Variants in PKD1L3 observed in about 807,000 individuals in gnomAD.
PKD1L3 encodes the protein polycystin-1-like protein 3.
A neutral mutation model predicts 184.1 loss-of-function variants in PKD1L3; 239 were observed. The observed-to-expected ratio is 1.30, with a 90% CI of 1.17 to 1.45. The LOEUF (loss-of-function observed/expected upper bound fraction) is 1.45, where lower values mean the gene tolerates loss of function less well. PKD1L3 is among the 40% of genes most tolerant of loss of function. PKD1L3 has a pLI of 0.00. For synonymous variants in PKD1L3, 996 were observed against 778.8 expected (o/e 1.28, Z -4.64); for missense variants, 2,660 against 2,067.2 (o/e 1.29, Z -5.56).
At position 71,973,401 on chromosome 16, in the gene PKD1L3, C is replaced by T. The variant is rs1345475597; in HGVS notation, c.1876G>A (p.Val626Ile). Residue 626 changes from valine to isoleucine, a missense_variant, in exon 12 of 30, where the codon GTC becomes ATC. Physicochemically the swap from Val to Ile is conservative, Grantham distance 29 (BLOSUM62 3). Coordinates refer to ENST00000620267, the MANE Select transcript of PKD1L3 (RefSeq NM_181536.2). ...TGAGTGACGGCGGTGATGACCGAGACCAAGCTGGGTGTCTGCTGAGCACCC... is the reference window on the plus strand; with the variant it reads ...TGAGTGACGGCGGTGATGACCGAGATCAAGCTGGGTGTCTGCTGAGCACCC... Reference protein sequence around the residue: ...QEGAQQTPSLVSVITAVTQCY... With the variant: ...QEGAQQTPSLISVITAVTQCY... The T allele has an allele frequency of 8.4e-6, 13 of 1,551,556 alleles. No homozygotes were observed. Among genetic ancestry groups the T allele is most frequent in the South Asian group, 1.2e-5 (1 of 84,060 alleles).
chr16:71,998,150 C>A, intron 2 of PKD1L3, 122 bp downstream of exon 2: 1 of 1,320,252 alleles, frequency 7.6e-7, no homozygotes, highest in Non-Finnish European at 1.0e-6. Flanking sequence ...AAATCAAAAG[C>A]CCTGTATCAT....
chr16:71,938,890 C>T (rs1156452785), intron 24 of PKD1L3, among the ~76,000 whole-genome samples: 6 of 152,182 alleles, frequency 3.9e-5, no homozygotes, highest in Non-Finnish European at 5.9e-5. Context: ...GACAAGAACT[C>T]GGGACCCGCT....
chr16:71,998,492 C>A (rs2040866440), intron 1 of PKD1L3, 98 bp from the exon 2 acceptor site: 1 of 1,440,122 alleles, frequency 6.9e-7, no homozygotes, highest in Non-Finnish European at 9.1e-7. Context: ...ACTCAGTCAC[C>A]CAAGCTGGAG....
At chr16:71,986,100 T>C (rs1331424049) in intron 5 of PKD1L3, 121 bp downstream of exon 5, 1 of 1,294,500 alleles carries the variant, frequency 7.7e-7, no homozygotes, top group Non-Finnish European at 1.0e-6. Flanking sequence ...TTGTTTTGGA[T>C]TGGCATATAC....
chr16:71,993,616 T>C (rs2040676087), intron 2 of PKD1L3, among the ~76,000 whole-genome samples: 1 of 152,174 alleles, frequency 6.6e-6, no homozygotes, highest in Non-Finnish European at 1.5e-5. Flanking sequence ...CATGTGGAGT[T>C]ATTTACATCC....
At chr16:71,940,067 C>A (rs913924353) in intron 24 of PKD1L3, among the ~76,000 whole-genome samples, 1 of 152,162 alleles carries the variant, frequency 6.6e-6, no homozygotes, top group African/African-American at 2.4e-5. Flanking sequence ...GCATCAGGTA[C>A]TTCTGAAGGT....
rs1303040592 is a variant in PKD1L3, at chr16:71,977,251, T to C, written c.1744A>G (p.Lys582Glu). 1.3e-6 allele frequency: 2 copies of C among 1,529,446 alleles called. No homozygotes were observed. Among genetic ancestry groups the C allele is most frequent in the East Asian group, 2.4e-5 (1 of 40,840 alleles). The allele number at this position is 1,529,446 out of a possible 1,614,324, so 94.7% of individuals were successfully genotyped here. A position where few individuals can be genotyped will look rare whatever the true frequency, so the allele number is the denominator to read the frequency against. Residue 582 changes from lysine to glutamate, a missense_variant, in exon 11 of 30, where the codon AAG (lysine) becomes GAG (glutamate). Transcript: ENST00000620267. ...TGGGTTTTACCTTTTTGCCACACCT[T>C]ATCCTTTGGAAGGGTGATGTTCAGG... is the stretch of plus-strand genomic sequence containing the variant. The part of the protein sequence containing the change: ...FHLNITLPKD[K>E]VWQKDEEYTW...
At chr16:71,990,603 G>A (rs139411799) in intron 3 of PKD1L3, among the ~76,000 whole-genome samples, 33 of 151,906 alleles carry the variant, frequency 2.2e-4, no homozygotes, top group Admixed American at 9.2e-4. Flanking sequence ...GCGTGGTGGC[G>A]GATGCATATA....
At chr16:71,973,238 G>A in intron 12 of PKD1L3, 86 bp downstream of exon 12, 1 of 1,402,336 alleles carries the variant, frequency 7.1e-7, no homozygotes, top group South Asian at 1.4e-5. Flanking sequence ...TTTCTTTCTG[G>A]GCTGCCCCAA....
At chr16:71,942,135 C>T (rs1175164068) in intron 24 of PKD1L3, among the ~76,000 whole-genome samples, 4 of 151,500 alleles carry the variant, frequency 2.6e-5, no homozygotes, top group East Asian at 2.0e-4. Flanking sequence ...GCAAACATGG[C>T]GAAACCCCAT....
chr16:71,943,159 A>T (rs996453277), intron 23 of PKD1L3, 135 bp from the exon 24 acceptor site: 12 of 637,676 alleles, frequency 1.9e-5, no homozygotes, highest in African/African-American at 1.5e-4. Context: ...CATATGGTTC[A>T]ATCTAATAAT....
chr16:71,957,151 A>G (rs1254049811), intron 16 of PKD1L3, among the ~76,000 whole-genome samples: 4 of 152,184 alleles, frequency 2.6e-5, no homozygotes, highest in Admixed American at 1.3e-4. Context: ...GATACGACAA[A>G]AGAATACGGT....
Position 71,973,402 on chromosome 16 carries a change from C to CAA in PKD1L3, c.1873_1874dup (p.Leu625PhefsTer36), listed in dbSNP as rs1567531341. 6.4e-7 allele frequency: 1 copy of CAA among 1,551,658 alleles called. No homozygotes were observed. The highest frequency in any genetic ancestry group is 1.4e-5 in the African/African-American group (1 of 73,146). On this transcript the variant is annotated frameshift_variant, in exon 12 of 30. Transcript: ENST00000620267. LOFTEE classifies it high-confidence loss of function. ...GAGTGACGGCGGTGATGACCGAGACCAAGCTGGGTGTCTGCTGAGCACCCT... is the reference window on the plus strand; with the variant it reads ...GAGTGACGGCGGTGATGACCGAGACCAAAAGCTGGGTGTCTGCTGAGCACCCT...
rs28523974 is a variant in PKD1L3 at position 71,929,584 on chromosome 16, G to A, written c.5153C>T (p.Thr1718Met). ...PQKTSSEQAA[T>M]TAVGSDTEVL... ...TTCAGTGTCACTGCCCACTGCTGTCGTGGCTGCTTGCTCAGATGAGGTTTT... is the reference window on the plus strand; with the variant it reads ...TTCAGTGTCACTGCCCACTGCTGTCATGGCTGCTTGCTCAGATGAGGTTTT... Residue 1718 changes from threonine (T) to methionine (M), a missense_variant, in exon 30 of 30, where the codon ACG becomes ATG. Thr to Met is a moderately conservative substitution (Grantham distance 81). Coordinates refer to ENST00000620267, the MANE Select transcript of PKD1L3 (RefSeq NM_181536.2). 7.6e-3 allele frequency: 11,855 copies of A among 1,551,714 alleles called. 802 individuals are homozygous for A. The African/African-American group carries it at 0.14, about 19-fold the overall frequency.
rs1348807282 is a variant in PKD1L3, at chr16:71,993,730, T to C, written c.419-398A>G. On this transcript the variant is annotated intron_variant, in intron 2 of 29. Coordinates refer to ENST00000620267, the MANE Select transcript of PKD1L3 (RefSeq NM_181536.2). Reference sequence around the variant, plus strand: ...ACTAAGCGTAATATTCTCCTTTGAGTTCTGTAACTCTCATTGGTAGAGATA... The same window carrying C: ...ACTAAGCGTAATATTCTCCTTTGAGCTCTGTAACTCTCATTGGTAGAGATA... Among the ~76,000 whole-genome samples, 10 of 152,216 alleles carry C rather than the reference T, an allele frequency of 6.6e-5. No homozygotes were observed. In the East Asian group the frequency reaches 1.9e-3, roughly 29 times the overall value.
chr16:71,944,521 A>C (rs990639406), intron 22 of PKD1L3, among the ~76,000 whole-genome samples: 4 of 152,042 alleles, frequency 2.6e-5, no homozygotes, highest in Non-Finnish European at 5.9e-5. Context: ...TGTCTCTACA[A>C]AAAAATAAAA....
At chr16:71,941,583 T>TTTC (rs2038362061) in intron 24 of PKD1L3, among the ~76,000 whole-genome samples, 1 of 13,824 alleles carries the variant, frequency 7.2e-5, no homozygotes, top group South Asian at 7.0e-3. Context: ...ATGACATTCT[T>TTTC]TTTTTTTTTT....
Position 71,942,884 on chromosome 16 carries a change from A to G in PKD1L3, c.4000T>C (p.Trp1334Arg), listed in dbSNP as rs1318748443. Reference sequence around the variant, plus strand: ...CTAGGAAGAAGGATATGATTGGCCCAGGGGTAGAAATCCTGAAGAAGTTTG... The same window carrying G: ...CTAGGAAGAAGGATATGATTGGCCCGGGGGTAGAAATCCTGAAGAAGTTTG... ...EIKLLQDFYP[W>R]ANHILLPSLY... The change falls in exon 24 of 30, where the codon TGG (tryptophan) becomes CGG (arginine). Residue 1334 changes from tryptophan to arginine, a missense_variant. Trp to Arg is a moderately radical substitution (Grantham distance 101). Coordinates refer to ENST00000620267, the MANE Select transcript of PKD1L3 (RefSeq NM_181536.2). 1 of 1,551,534 alleles carries G rather than the reference A, an allele frequency of 6.4e-7. No individual in the cohort carries two copies. The highest frequency in any genetic ancestry group is 8.7e-7 in the Non-Finnish European group (1 of 1,146,958).
Position 71,977,306 on chromosome 16 carries a change from G to C in PKD1L3, c.1689C>G (p.Phe563Leu), listed in dbSNP as rs779994971. Residue 563 changes from phenylalanine (F) to leucine (L), a missense_variant, in exon 11 of 30, where the codon TTC becomes TTG. By Grantham distance (22) the Phe-to-Leu change is conservative. Coordinates refer to ENST00000620267, the MANE Select transcript of PKD1L3 (RefSeq NM_181536.2). ...AGTGAGTGCAGTTAGGCTGATACTGGAACCCCAGGTAGAGTGTCATTAAAA... is the reference window on the plus strand; with the variant it reads ...AGTGAGTGCAGTTAGGCTGATACTGCAACCCCAGGTAGAGTGTCATTAAAA... ...SPLLMTLYLG[F>L]QYQPNCTHFH... is the part of the protein sequence containing the mutation. 1.0e-5 allele frequency: 16 copies of C among 1,544,512 alleles called. No individual in the cohort carries two copies. The highest frequency in any genetic ancestry group is 1.4e-5 in the Non-Finnish European group (16 of 1,140,620).
Sources: allele counts gnomAD v4.1 joint callset (sites outside exome capture counted in the v4.1 genomes callset), GRCh38; gene constraint gnomAD v4.1.1; transcripts MANE v1.5; gene names NCBI Gene and HGNC (gene_info 2026-07-23, HGNC 2026-07-21).